HBS1L: variants seen among roughly 807,000 people sequenced by gnomAD.
HBS1L encodes HBS1 like translational GTPase, also known as HBS1-like protein.
In HBS1L, 55 loss-of-function variants were observed where a neutral mutation model predicts 88.9. The observed-to-expected ratio is 0.62, with a 90% confidence interval of 0.50 to 0.77. The LOEUF (loss-of-function observed/expected upper bound fraction) is 0.77, where lower values mean the gene tolerates loss of function less well. Among genes scored for constraint, HBS1L ranks in the 30% least tolerant of loss-of-function variants. The pLI is 0.00. For synonymous variants in HBS1L, 267 were observed against 288.5 expected (o/e 0.93, Z 0.76); for missense variants, 741 against 829.3 (o/e 0.89, Z 1.31).
intron 4 of HBS1L, among the ~76,000 whole-genome samples, chr6:135,008,582 T>C (rs958325454): frequency 1.3e-5 from 2 of 152,228 alleles, no homozygotes; most frequent in Non-Finnish European, 2.9e-5. Flanking sequence ...AAATAGATTC[T>C]AGGTTTTCTC....
intron 5 of HBS1L, among the ~76,000 whole-genome samples, chr6:135,002,358 TTTAA>T (rs770845029): frequency 8.5e-4 from 129 of 152,318 alleles, no homozygotes; most frequent in Admixed American, 1.7e-3. Flanking sequence ...TATTAAAAAA[TTTAA>T]TTAATGATTC....
chr6:134,996,551 G>T (rs1163925713), intron 7 of HBS1L, among the ~76,000 whole-genome samples: 1 of 151,886 alleles, frequency 6.6e-6, no homozygotes, highest in East Asian at 1.9e-4. Context: ...CTTTTATTTT[G>T]TTTCTTTTAA....
chr6:135,016,045 C>T (rs764470789), intron 4 of HBS1L, among the ~76,000 whole-genome samples: 2 of 152,038 alleles, frequency 1.3e-5, no homozygotes, highest in Non-Finnish European at 2.9e-5. Context: ...TGCCACCATG[C>T]CCGGCTAATT....
At chr6:135,048,749 G>A (rs1412204630) in intron 2 of HBS1L, among the ~76,000 whole-genome samples, 1 of 152,178 alleles carries the variant, frequency 6.6e-6, no homozygotes, top group Admixed American at 6.5e-5. Flanking sequence ...AATAACTGGT[G>A]CAATTTTTAT....
At chr6:134,973,521 G>T (rs1211905602) in intron 15 of HBS1L, among the ~76,000 whole-genome samples, 1 of 152,114 alleles carries the variant, frequency 6.6e-6, no homozygotes. Context: ...CAGATGAATA[G>T]TAGTGATGAC....
At chr6:134,993,318 T>C (rs1775196799) in intron 8 of HBS1L, among the ~76,000 whole-genome samples, 1 of 152,304 alleles carries the variant, frequency 6.6e-6, no homozygotes, top group African/African-American at 2.4e-5. Flanking sequence ...GCTTTTTTAA[T>C]ATTATAAAGA....
At position 135,039,231 on chromosome 6, in the gene HBS1L, A is replaced by G. The variant is rs183638906; in HGVS notation, c.430+342T>C. On this transcript the variant is annotated intron_variant, in intron 4 of 17. Transcript: ENST00000367837. Reference sequence around the variant, plus strand: ...TTACTTGGGAGGCTGAGGAAGGACAATCACTTGAACCCAGGAGGTGGAGGC... The same window carrying G: ...TTACTTGGGAGGCTGAGGAAGGACAGTCACTTGAACCCAGGAGGTGGAGGC... 2.2e-3 allele frequency among the ~76,000 whole-genome samples: 331 copies of G among 152,322 alleles called. 2 individuals are homozygous for G. Among genetic ancestry groups the G allele is most frequent in the African/African-American group, 7.3e-3 (302 of 41,574 alleles).
intron 4 of HBS1L, among the ~76,000 whole-genome samples, chr6:135,028,030 C>T (rs578029493): frequency 1.3e-5 from 2 of 151,950 alleles, no homozygotes; most frequent in African/African-American, 4.8e-5. Flanking sequence ...GCCTCCTAAG[C>T]GCTGGGAATA....
intron 2 of HBS1L, 126 bp downstream of exon 2, chr6:135,050,456 T>G (rs1268584502): frequency 3.7e-5 from 21 of 567,424 alleles, no homozygotes; most frequent in Non-Finnish European, 5.6e-5. Flanking sequence ...CTTTAATAAT[T>G]AACATATAAT....
chr6:135,044,262 T>A (rs1776841330), intron 2 of HBS1L, among the ~76,000 whole-genome samples: 2 of 152,202 alleles, frequency 1.3e-5, no homozygotes, highest in Non-Finnish European at 2.9e-5. Flanking sequence ...AGATAATTAT[T>A]TCTGTTTCCA....
chr6:134,966,523 T>C, intron 16 of HBS1L, 50 bp from the exon 17 acceptor site: 1 of 1,223,706 alleles, frequency 8.2e-7, no homozygotes, highest in Non-Finnish European at 1.1e-6. Context: ...GGTGAATAAA[T>C]GTAATAATAA....
intron 4 of HBS1L, among the ~76,000 whole-genome samples, chr6:135,010,336 A>G (rs1775740673): frequency 6.6e-6 from 1 of 152,218 alleles, no homozygotes; most frequent in East Asian, 1.9e-4. Flanking sequence ...TCATATACAT[A>G]AAAGCATTTA....
chr6:135,036,962 G>T (rs1265439644), intron 4 of HBS1L: 1 of 1,551,234 alleles, frequency 6.4e-7, no homozygotes, highest in East Asian at 2.4e-5. Context: ...ACAAAATCTG[G>T]GTTTTTTATA....
rs186801297 is a variant in HBS1L at position 134,969,525 on chromosome 6, T to A, written c.1798-187A>T. ...ACTTAACTCACTAAGAGGAAAAAAG[T>A]CATGAGAGGCATTTCAAATTTCTAC... On this transcript the variant is annotated intron_variant, in intron 15 of 17. Coordinates refer to ENST00000367837, the MANE Select transcript of HBS1L (RefSeq NM_006620.4). Among the ~76,000 whole-genome samples the A allele has an allele frequency of 3.6e-3, 542 of 152,300 alleles. 1 individual carries two copies. Among genetic ancestry groups the A allele is most frequent in the Middle Eastern group, 6.8e-3 (2 of 294 alleles).
chr6:135,037,385 T>G, intron 4 of HBS1L: 3 of 1,551,046 alleles, frequency 1.9e-6, no homozygotes, highest in Non-Finnish European at 2.6e-6. Flanking sequence ...AAAGTGTGAT[T>G]CTTGGCACTT....
intron 1 of HBS1L, among the ~76,000 whole-genome samples, chr6:135,051,739 ATT>A: frequency 6.6e-6 from 1 of 152,338 alleles, no homozygotes; most frequent in Middle Eastern, 3.4e-3. Flanking sequence ...CTAGATTAAT[ATT>A]TGTTTTATTA....
intron 8 of HBS1L, 93 bp from the exon 9 acceptor site, chr6:134,987,884 TA>T (rs1246637182): frequency 9.7e-6 from 11 of 1,129,212 alleles, no homozygotes; most frequent in Middle Eastern, 2.1e-4. Flanking sequence ...GTCACATTTT[TA>T]AAGGAAGACC....
At chr6:135,026,052 G>C (rs903528077) in intron 4 of HBS1L, among the ~76,000 whole-genome samples, 1 of 152,146 alleles carries the variant, frequency 6.6e-6, no homozygotes, top group Non-Finnish European at 1.5e-5. Context: ...AGGAAAGAAA[G>C]AGTAATGCTA....
rs117905199 is a variant in HBS1L, at chr6:134,979,398, T to C, written c.1598-130A>G. ...ATTTTCAATATGAATGGATTGAGAG[T>C]AAGAAGTGTAACTGTGAGCGTTGAG... On this transcript the variant is annotated intron_variant, in intron 13 of 17. Coordinates refer to ENST00000367837, the MANE Select transcript of HBS1L (RefSeq NM_006620.4). The C allele has an allele frequency of 4.5e-3, 3,052 of 670,784 alleles. 61 individuals carry two copies. Among genetic ancestry groups the C allele is most frequent in the Admixed American group, 0.034 (1,602 of 46,668 alleles). 41.6% of individuals were successfully genotyped at this position (670,784 alleles called of 1,614,324 possible).
Sources: allele counts gnomAD v4.1 joint callset (sites outside exome capture counted in the v4.1 genomes callset), GRCh38; gene constraint gnomAD v4.1.1; transcripts MANE v1.5; gene names NCBI Gene and HGNC (gene_info 2026-07-23, HGNC 2026-07-21).